Variants in PTPRD observed in about 807,000 individuals in gnomAD.
PTPRD encodes protein tyrosine phosphatase receptor type D.
Under a neutral mutation model 214.5 loss-of-function variants are expected in PTPRD, and 34 were observed. That is an observed-to-expected ratio of 0.16 (90% CI 0.12 to 0.21). PTPRD has a LOEUF of 0.21. Among genes scored for constraint, PTPRD ranks in the 10% least tolerant of loss-of-function variants. The pLI is 1.00. For missense variants in PTPRD, 2,545 were observed against 2,398.7 expected, an observed-to-expected ratio of 1.06 and a Z score of -1.27; for synonymous variants, 1,128 against 845.7, an observed-to-expected ratio of 1.33 and a Z score of -5.79.
chr9:8,931,304 C>G (rs1345781235), intron 11 of PTPRD, among the ~76,000 whole-genome samples: 2 of 151,886 alleles, frequency 1.3e-5, no homozygotes, highest in African/African-American at 4.8e-5. Flanking sequence ...GGGCTCTGTT[C>G]TGTTCCATTG....
chr9:9,251,465 C>G (rs116415835), intron 9 of PTPRD, among the ~76,000 whole-genome samples: 3,454 of 151,958 alleles, frequency 0.023, 139 homozygotes, highest in African/African-American at 0.08. Flanking sequence ...GTAATTCCTT[C>G]TCTTCCTTCT....
At chr9:8,656,021 C>T (rs906375869) in intron 12 of PTPRD, among the ~76,000 whole-genome samples, 1 of 152,132 alleles carries the variant, frequency 6.6e-6, no homozygotes, top group Non-Finnish European at 1.5e-5. Context: ...CTAATTTACC[C>T]GAGATAGCAT....
At chr9:9,250,931 G>A (rs1414420828) in intron 9 of PTPRD, among the ~76,000 whole-genome samples, 2 of 151,996 alleles carry the variant, frequency 1.3e-5, no homozygotes, top group African/African-American at 4.8e-5. Flanking sequence ...AATTCAGCAA[G>A]GGAGAAGAGA....
Position 8,434,889 on chromosome 9 carries a change from G to T in PTPRD, c.4086+1703C>A, listed in dbSNP as rs369216070. Reference sequence around the variant, plus strand: ...TAAAGGATACTGCATAATTTTAAAGGAGCTATTCTGATCAAGAGGAAGAGC... The same window carrying T: ...TAAAGGATACTGCATAATTTTAAAGTAGCTATTCTGATCAAGAGGAAGAGC... On this transcript the variant is annotated intron_variant, in intron 35 of 45. Transcript: ENST00000381196. Among the ~76,000 whole-genome samples, 16 of 152,256 alleles carry T rather than the reference G, an allele frequency of 1.1e-4. No individual in the cohort carries two copies. In the South Asian group the frequency reaches 3.3e-3, roughly 32 times the overall value.
chr9:10,260,527 T>G (rs536715242), intron 3 of PTPRD, among the ~76,000 whole-genome samples: 1 of 152,288 alleles, frequency 6.6e-6, no homozygotes, highest in East Asian at 1.9e-4. Flanking sequence ...CATTTCTGAA[T>G]AGAAAACTTG....
At chr9:9,677,484 T>C (rs537610068) in intron 7 of PTPRD, among the ~76,000 whole-genome samples, 5 of 152,214 alleles carry the variant, frequency 3.3e-5, no homozygotes, top group East Asian at 3.9e-4. Flanking sequence ...ATTATCTCAA[T>C]AGATGCAGAA....
intron 11 of PTPRD, among the ~76,000 whole-genome samples, chr9:8,988,580 C>T (rs1029931981): frequency 2.6e-5 from 4 of 152,104 alleles, no homozygotes; most frequent in Non-Finnish European, 5.9e-5. Context: ...AGCAGTTCCT[C>T]TGTTGATGGG....
intron 8 of PTPRD, among the ~76,000 whole-genome samples, chr9:9,520,088 T>C (rs995198479): frequency 6.6e-6 from 1 of 152,080 alleles, no homozygotes; most frequent in South Asian, 2.1e-4. Context: ...AAGTGTTTAG[T>C]TTTTGTACCT....
At chr9:8,387,937 A>G (rs1296569570) in intron 37 of PTPRD, among the ~76,000 whole-genome samples, 2 of 152,234 alleles carry the variant, frequency 1.3e-5, no homozygotes, top group Non-Finnish European at 2.9e-5. Context: ...TAACAAATCC[A>G]TTTACATCTT....
At chr9:8,531,781 G>C (rs1250103378) in intron 14 of PTPRD, among the ~76,000 whole-genome samples, 4 of 152,064 alleles carry the variant, frequency 2.6e-5, no homozygotes, top group African/African-American at 7.2e-5. Flanking sequence ...CTGATCAGTG[G>C]CAAGTGCCAA....
chr9:9,146,668 T>A (rs2099869098), intron 10 of PTPRD, among the ~76,000 whole-genome samples: 1 of 152,130 alleles, frequency 6.6e-6, no homozygotes, highest in African/African-American at 2.4e-5. Flanking sequence ...CCAAAAATAT[T>A]TGATTATTTC....
intron 8 of PTPRD, among the ~76,000 whole-genome samples, chr9:9,404,601 A>T (rs771786860): frequency 6.6e-6 from 1 of 152,146 alleles, no homozygotes; most frequent in Non-Finnish European, 1.5e-5. Flanking sequence ...TAGCGTCAAC[A>T]CACATTTTAG....
At chr9:8,606,353 G>C (rs530702424) in intron 14 of PTPRD, among the ~76,000 whole-genome samples, 1 of 152,076 alleles carries the variant, frequency 6.6e-6, no homozygotes, top group African/African-American at 2.4e-5. Flanking sequence ...CTTTCATGTG[G>C]GGAAGAAAAG....
intron 7 of PTPRD, among the ~76,000 whole-genome samples, chr9:9,580,510 A>G (rs182802487): frequency 6.6e-6 from 1 of 150,604 alleles, no homozygotes; most frequent in Admixed American, 6.6e-5. Context: ...TTTTCTTTTG[A>G]ATGGTGTCTA....
chr9:8,717,151 T>G (rs2098445622), intron 12 of PTPRD, among the ~76,000 whole-genome samples: 1 of 151,868 alleles, frequency 6.6e-6, no homozygotes, highest in Non-Finnish European at 1.5e-5. Flanking sequence ...AAAAAAGAAT[T>G]AAAGAAAGAA....
At chr9:9,283,166 A>G (rs560367198) in intron 9 of PTPRD, among the ~76,000 whole-genome samples, 2 of 151,472 alleles carry the variant, frequency 1.3e-5, no homozygotes, top group Non-Finnish European at 3.0e-5. Flanking sequence ...CAGTGAAATA[A>G]GACAGGATGG....
intron 26 of PTPRD, among the ~76,000 whole-genome samples, 194 bp downstream of exon 26, chr9:8,497,048 A>G (rs566701450): frequency 5.3e-5 from 8 of 152,340 alleles, no homozygotes; most frequent in African/African-American, 1.2e-4. Context: ...TTACGCAGTC[A>G]ATAGCACCAT....
chr9:9,072,595 A>C (rs968134194), intron 10 of PTPRD, among the ~76,000 whole-genome samples: 5 of 152,140 alleles, frequency 3.3e-5, no homozygotes, highest in African/African-American at 1.2e-4. Context: ...TTCTTCATCT[A>C]CAGAGCACCT....
intron 8 of PTPRD, among the ~76,000 whole-genome samples, chr9:9,458,804 G>T (rs1378116635): frequency 6.6e-6 from 1 of 152,082 alleles, no homozygotes; most frequent in Non-Finnish European, 1.5e-5. Flanking sequence ...GCTGAGTGTG[G>T]TGGTGTATGC....
Sources: allele counts gnomAD v4.1 joint callset (sites outside exome capture counted in the v4.1 genomes callset), GRCh38; gene constraint gnomAD v4.1.1; transcripts MANE v1.5; gene names NCBI Gene and HGNC (gene_info 2026-07-23, HGNC 2026-07-21).